Variants in CCDC91 observed in about 807,000 individuals in gnomAD.
CCDC91 encodes coiled-coil domain-containing protein 91.
In CCDC91, 48 loss-of-function variants were observed where a neutral mutation model predicts 63.2. That is an observed-to-expected ratio of 0.76 (90% confidence interval 0.60 to 0.97). CCDC91 has a LOEUF of 0.97. Among genes scored for constraint, CCDC91 ranks in the 50% least tolerant of loss-of-function variants. CCDC91 has a pLI of 0.00. For synonymous variants in CCDC91, 167 were observed against 165.8 expected (o/e 1.01, Z -0.06); for missense variants, 500 against 494.6 (o/e 1.01, Z -0.10).
At chr12:28,463,998 C>T (rs1950430687) in intron 11 of CCDC91, among the ~76,000 whole-genome samples, 1 of 152,068 alleles carries the variant, frequency 6.6e-6, no homozygotes, top group Non-Finnish European at 1.5e-5. Context: ...TCTCTGACAC[C>T]ACCCCTCCCC....
intron 11 of CCDC91, among the ~76,000 whole-genome samples, chr12:28,463,179 G>A (rs1031279254): frequency 1.3e-5 from 2 of 152,170 alleles, no homozygotes; most frequent in African/African-American, 4.8e-5. Flanking sequence ...GAGATCGAGT[G>A]AAATATTACA....
At chr12:28,539,948 A>G (rs1227085110) in intron 12 of CCDC91, among the ~76,000 whole-genome samples, 1 of 152,160 alleles carries the variant, frequency 6.6e-6, no homozygotes, top group Non-Finnish European at 1.5e-5. Flanking sequence ...GTTCACAGTA[A>G]CTTTCATTTA....
intron 12 of CCDC91, among the ~76,000 whole-genome samples, chr12:28,487,486 C>T (rs1357088787): frequency 6.6e-6 from 1 of 151,732 alleles, no homozygotes; most frequent in Non-Finnish European, 1.5e-5. Flanking sequence ...TAAACTAATA[C>T]TTAGGAAAAA....
At chr12:28,375,128 CA>C (rs1277208084) in intron 7 of CCDC91, among the ~76,000 whole-genome samples, 1 of 142,318 alleles carries the variant, frequency 7.0e-6, no homozygotes, top group Non-Finnish European at 1.6e-5. Flanking sequence ...TGACCTTGGG[CA>C]GTTTTTTTTT....
chr12:28,352,587 G>A (rs1286408568), intron 6 of CCDC91, among the ~76,000 whole-genome samples: 1 of 152,140 alleles, frequency 6.6e-6, no homozygotes, highest in Admixed American at 6.5e-5. Flanking sequence ...CTGTTCGAGT[G>A]TTATGTAATT....
intron 1 of CCDC91, among the ~76,000 whole-genome samples, chr12:28,197,623 A>G (rs1026559722): frequency 2.6e-4 from 40 of 152,198 alleles, no homozygotes; most frequent in African/African-American, 9.6e-4. Context: ...GTCTTCCTGA[A>G]TCTGTGCTTT....
chr12:28,347,580 A>G (rs754979179), intron 6 of CCDC91, among the ~76,000 whole-genome samples: 1 of 152,168 alleles, frequency 6.6e-6, no homozygotes, highest in Admixed American at 6.5e-5. Flanking sequence ...ATATAGCTAC[A>G]TTCACTTTTA....
intron 6 of CCDC91, among the ~76,000 whole-genome samples, chr12:28,327,710 C>T (rs1035741068): frequency 1.3e-5 from 2 of 152,082 alleles, no homozygotes; most frequent in African/African-American, 4.8e-5. Context: ...AACAACGAAC[C>T]TTGGGTATTT....
chr12:28,295,602 A>G (rs1262260203), intron 3 of CCDC91, among the ~76,000 whole-genome samples: 2 of 152,106 alleles, frequency 1.3e-5, no homozygotes, highest in Non-Finnish European at 2.9e-5. Flanking sequence ...ATTGCTCTGT[A>G]TCTTACATTA....
chr12:28,339,637 A>G lies in CCDC91; in HGVS notation c.577-22801A>G, dbSNP rs192430361. 1.4e-4 allele frequency among the ~76,000 whole-genome samples: 22 copies of G among 152,332 alleles called. No homozygotes were observed. In the South Asian group the frequency reaches 3.1e-3, roughly 21 times the overall value. On this transcript the variant is annotated intron_variant, in intron 6 of 12. Transcript: ENST00000536442. The stretch of plus-strand genomic sequence containing the variant: ...TGATATATAAAGTATGCAGAAGGAT[A>G]TGAAGAGATTATGTGTAAATACCAT...
intron 8 of CCDC91, among the ~76,000 whole-genome samples, chr12:28,434,343 T>G (rs1328692480): frequency 1.3e-5 from 2 of 151,758 alleles, no homozygotes; most frequent in Non-Finnish European, 3.0e-5. Flanking sequence ...GTCAAATGCT[T>G]TATCTGCATC....
intron 3 of CCDC91, among the ~76,000 whole-genome samples, chr12:28,304,193 A>G (rs1163899812): frequency 2.0e-5 from 3 of 151,762 alleles, no homozygotes; most frequent in South Asian, 2.1e-4. Context: ...CCTGGCCAAC[A>G]TGGTGAAACC....
At chr12:28,547,951 A>C (rs772253145) in intron 12 of CCDC91, among the ~76,000 whole-genome samples, 1 of 152,112 alleles carries the variant, frequency 6.6e-6, no homozygotes, top group African/African-American at 2.4e-5. Flanking sequence ...GTATATTATG[A>C]AATGGAATTT....
At position 28,535,867 on chromosome 12, in the gene CCDC91, A is replaced by G. The variant is rs1406813596; in HGVS notation, c.1216-13196A>G. ...CACGGTGAAACCCCGTCTCTACTAA[A>G]AAATACAAAAATTTAGCCGGACATG... On this transcript the variant is annotated intron_variant, in intron 12 of 12. Transcript: ENST00000536442. Among the ~76,000 whole-genome samples the G allele has an allele frequency of 3.9e-5, 6 of 152,114 alleles. No homozygotes were observed. In the South Asian group the frequency reaches 1.3e-3, roughly 32 times the overall value.
intron 8 of CCDC91, among the ~76,000 whole-genome samples, chr12:28,411,163 G>A (rs1947294178): frequency 6.6e-6 from 1 of 151,934 alleles, no homozygotes; most frequent in Non-Finnish European, 1.5e-5. Context: ...TTTACACTGA[G>A]GATGTCCATT....
intron 12 of CCDC91, among the ~76,000 whole-genome samples, chr12:28,536,814 T>A (rs1375049981): frequency 6.6e-6 from 1 of 152,174 alleles, no homozygotes. Context: ...TTTAAAGTAT[T>A]TATTAATTTA....
intron 1 of CCDC91, among the ~76,000 whole-genome samples, chr12:28,221,419 G>T (rs1038994623): frequency 3.9e-5 from 6 of 152,020 alleles, no homozygotes; most frequent in African/African-American, 1.4e-4. Context: ...ATAGTTTTCT[G>T]ATTCTTTATA....
Position 28,426,424 on chromosome 12 carries a change from TC to T in CCDC91, c.763-23735del, listed in dbSNP as rs763578914. 9.1e-4 allele frequency among the ~76,000 whole-genome samples: 138 copies of T among 152,208 alleles called. 2 individuals are homozygous for T. The highest frequency in any genetic ancestry group is 1.9e-4 in the Non-Finnish European group (13 of 68,034). ...AAATAGTTCTGCTTCATTCTTCTTT[TC>T]CTTTTGATTTTTCAGTGTGTTACAC... is the stretch of plus-strand genomic sequence containing the variant. On this transcript the variant is annotated intron_variant, in intron 8 of 12. Coordinates refer to ENST00000536442, the MANE Select transcript of CCDC91 (RefSeq NM_018318.5).
At chr12:28,498,024 A>G (rs1182182166) in intron 12 of CCDC91, among the ~76,000 whole-genome samples, 5 of 151,592 alleles carry the variant, frequency 3.3e-5, no homozygotes, top group Admixed American at 6.6e-5. Flanking sequence ...CTAAACAAAC[A>G]TGCCCTCTCC....
Sources: gnomAD v4.1 joint callset for allele counts (sites outside exome capture counted in the v4.1 genomes callset) on GRCh38, gnomAD v4.1.1 for gene constraint, MANE v1.5 for transcripts, NCBI Gene and HGNC (gene_info 2026-07-23, HGNC 2026-07-21) for gene names.